Variants in PDSS2 observed in about 807,000 individuals in gnomAD.
PDSS2 encodes the protein decaprenyl diphosphate synthase subunit 2.
A neutral mutation model predicts 44.5 loss-of-function variants in PDSS2; 31 were observed. The observed-to-expected ratio is 0.70, with a 90% confidence interval of 0.52 to 0.94. The LOEUF is 0.94. Ranked by LOEUF, PDSS2 falls within the 40% of genes least tolerant of loss-of-function variation. The pLI is 0.00. For synonymous variants in PDSS2, 157 were observed against 180.3 expected (o/e 0.87, Z 1.03); for missense variants, 452 against 482.2 (o/e 0.94, Z 0.59).
At chr6:107,171,071 G>T (rs574114832) in intron 7 of PDSS2, among the ~76,000 whole-genome samples, 2 of 152,356 alleles carry the variant, frequency 1.3e-5, no homozygotes, top group African/African-American at 4.8e-5. Context: ...CCACCTGTTA[G>T]AGAGGTAGTC....
chr6:107,332,198 A>G (rs1319996937), intron 2 of PDSS2, among the ~76,000 whole-genome samples: 1 of 151,834 alleles, frequency 6.6e-6, no homozygotes, highest in Admixed American at 6.6e-5. Flanking sequence ...TCTGACTCCA[A>G]GGCTCAAGCG....
In PDSS2 at chr6:107,459,531, A is replaced by T. The variant is rs1782180733; in HGVS notation, c.-246T>A. On this transcript the variant is annotated 5_prime_UTR_variant, in exon 1 of 8. Transcript: ENST00000369037. This position sits in a 1 kb window ranked among gnomAD's most constrained non-coding sequence, Gnocchi z 4.3. The stretch of plus-strand genomic sequence containing the variant: ...GCCACCCGGGGTAGAAACCACAGCC[A>T]CTGCCTATGTGGAGGACGCCATATT... The T allele has an allele frequency of 3.6e-6, 2 of 558,316 alleles. No individual in the cohort carries two copies. Among genetic ancestry groups the T allele is most frequent in the Non-Finnish European group, 6.4e-6 (2 of 313,058 alleles). The allele number at this position is 558,316 out of a possible 1,614,324, so 34.6% of individuals were successfully genotyped here.
chr6:107,328,091 C>T (rs993624034), intron 2 of PDSS2, among the ~76,000 whole-genome samples: 7 of 152,178 alleles, frequency 4.6e-5, no homozygotes, highest in East Asian at 1.9e-4. Flanking sequence ...AAGCTAAGTG[C>T]CTACTCTGAA....
At chr6:107,318,598 T>G (rs1022651214) in intron 2 of PDSS2, among the ~76,000 whole-genome samples, 1 of 152,194 alleles carries the variant, frequency 6.6e-6, no homozygotes, top group Non-Finnish European at 1.5e-5. Flanking sequence ...AATGCCTTGA[T>G]AGTGACATAA....
chr6:107,166,709 GC>G (rs1489012786), intron 7 of PDSS2, among the ~76,000 whole-genome samples: 5 of 152,136 alleles, frequency 3.3e-5, no homozygotes, highest in African/African-American at 1.2e-4. Context: ...TTTCTCAAAG[GC>G]CTTTTCTGCA....
At chr6:107,365,266 G>A (rs973109598) in intron 1 of PDSS2, among the ~76,000 whole-genome samples, 1 of 152,006 alleles carries the variant, frequency 6.6e-6, no homozygotes, top group Non-Finnish European at 1.5e-5. Flanking sequence ...CAAAGTTTCT[G>A]TATTTTGCTA....
intron 4 of PDSS2, among the ~76,000 whole-genome samples, chr6:107,234,362 T>C (rs1372201755): frequency 2.6e-5 from 4 of 152,060 alleles, no homozygotes; most frequent in Admixed American, 6.6e-5. Context: ...CGTGCCACTA[T>C]GCCCGGCTAA....
chr6:107,303,983 T>C (rs1310892979), intron 2 of PDSS2, among the ~76,000 whole-genome samples: 1 of 152,206 alleles, frequency 6.6e-6, no homozygotes, highest in Non-Finnish European at 1.5e-5. Context: ...AACAAGGACA[T>C]AAACTTCATG....
chr6:107,162,610 AT>A (rs71012782), intron 7 of PDSS2, among the ~76,000 whole-genome samples: 37 of 115,542 alleles, frequency 3.2e-4, no homozygotes, highest in East Asian at 4.8e-4. Context: ...GAATTCCCTA[AT>A]TTTTTTTTTT....
chr6:107,288,547 A>T (rs1265154974), intron 2 of PDSS2, among the ~76,000 whole-genome samples: 1 of 152,066 alleles, frequency 6.6e-6, no homozygotes, highest in Non-Finnish European at 1.5e-5. Context: ...TTGGACGTTT[A>T]AACAGATTTA....
intron 1 of PDSS2, among the ~76,000 whole-genome samples, chr6:107,380,162 T>C (rs6910058): frequency 0.05 from 7,622 of 152,188 alleles, 369 homozygotes; most frequent in South Asian, 0.15. Context: ...GTCTCCCCTG[T>C]TATCTTTGGG....
chr6:107,166,682 C>T (rs1771363965), intron 7 of PDSS2, among the ~76,000 whole-genome samples: 2 of 152,144 alleles, frequency 1.3e-5, no homozygotes, highest in Non-Finnish European at 2.9e-5. Context: ...GAGTTTTTAG[C>T]ATGAAGGCTG....
chr6:107,427,739 G>T (rs1781050755), intron 1 of PDSS2, among the ~76,000 whole-genome samples: 1 of 152,022 alleles, frequency 6.6e-6, no homozygotes. Flanking sequence ...TTATATTTTT[G>T]GAGGTTCCAG....
Position 107,212,126 on chromosome 6 carries a change from T to G in PDSS2, c.859A>C (p.Met287Leu), listed in dbSNP as rs753238455. 2.0e-5 allele frequency: 33 copies of G among 1,613,888 alleles called. No homozygotes were observed. The highest frequency in any genetic ancestry group is 1.9e-5 in the Non-Finnish European group (22 of 1,179,854). ...CAAAGTACCTTATGACTCATGGCCA[T>G]GTGCTTCCCATACTGAAATGCCATA... is the stretch of plus-strand genomic sequence containing the variant. ...QNMAFQYGKH[M>L]AMSHKINSDV... Residue 287 changes from methionine to leucine, a missense_variant, in exon 5 of 8, where the codon ATG becomes CTG. By Grantham distance (15) the Met-to-Leu change is conservative (BLOSUM62 2). Coordinates refer to ENST00000369037, the MANE Select transcript of PDSS2 (RefSeq NM_020381.4).
intron 1 of PDSS2, among the ~76,000 whole-genome samples, chr6:107,390,071 A>G (rs1015848996): frequency 2.0e-5 from 3 of 152,170 alleles, no homozygotes; most frequent in Admixed American, 1.3e-4. Context: ...CCGTATTGAT[A>G]CAGATAAATG....
At chr6:107,368,255 G>A (rs1779021800) in intron 1 of PDSS2, among the ~76,000 whole-genome samples, 1 of 141,924 alleles carries the variant, frequency 7.0e-6, no homozygotes. Context: ...GTGACAGAGC[G>A]AGACTCGTCT....
intron 7 of PDSS2, among the ~76,000 whole-genome samples, chr6:107,156,370 A>AT (rs1554245652): frequency 6.6e-6 from 1 of 151,432 alleles, no homozygotes; most frequent in African/African-American, 2.4e-5. Context: ...AATTTTTTGT[A>AT]TTTTTAGTAC....
chr6:107,359,053 C>G (rs2114261287), intron 1 of PDSS2, among the ~76,000 whole-genome samples: 1 of 130,438 alleles, frequency 7.7e-6, no homozygotes, highest in South Asian at 2.8e-4. Flanking sequence ...TCCTGTTGCC[C>G]AGGCTGGAGT....
chr6:107,165,522 G>A (rs1771311854), intron 7 of PDSS2, among the ~76,000 whole-genome samples: 2 of 152,212 alleles, frequency 1.3e-5, no homozygotes, highest in South Asian at 2.1e-4. Flanking sequence ...CCATTGGTCT[G>A]TATCTCTGTT....
Sources: gnomAD v4.1 joint callset for allele counts (sites outside exome capture counted in the v4.1 genomes callset) on GRCh38, gnomAD v4.1.1 for gene constraint, Gnocchi (gnomAD v3.1) non-coding constraint, MANE v1.5 for transcripts, NCBI Gene and HGNC (gene_info 2026-07-23, HGNC 2026-07-21) for gene names.